PTPRD: variants seen among roughly 807,000 people sequenced by gnomAD.
The protein encoded by PTPRD is protein tyrosine phosphatase receptor type D.
In PTPRD, 34 loss-of-function variants were observed where a neutral mutation model predicts 214.5. That is an observed-to-expected ratio of 0.16 (90% CI 0.12 to 0.21). PTPRD has a LOEUF of 0.21. Ranked by LOEUF, PTPRD falls within the 10% of genes least tolerant of loss-of-function variation. The pLI is 1.00. For synonymous variants in PTPRD, 1,128 were observed against 845.7 expected, an observed-to-expected ratio of 1.33 and a Z score of -5.79; for missense variants, 2,545 against 2,398.7, an observed-to-expected ratio of 1.06 and a Z score of -1.27.
chr9:9,311,602 T>C (rs184982780), intron 9 of PTPRD, among the ~76,000 whole-genome samples: 12 of 152,298 alleles, frequency 7.9e-5, no homozygotes, highest in Non-Finnish European at 1.5e-4. Flanking sequence ...TTTAGAAGGA[T>C]GCTTTCTTGC....
chr9:10,398,362 C>T (rs1023158471), intron 2 of PTPRD, among the ~76,000 whole-genome samples: 6 of 151,836 alleles, frequency 4.0e-5, no homozygotes, highest in African/African-American at 1.4e-4. Context: ...GCCTGGACTA[C>T]AGATATGTCT....
At chr9:8,939,453 A>G (rs143094283) in intron 11 of PTPRD, among the ~76,000 whole-genome samples, 2 of 152,192 alleles carry the variant, frequency 1.3e-5, no homozygotes, top group African/African-American at 2.4e-5. Flanking sequence ...CTGTGACTCT[A>G]TAATTTATTA....
At chr9:10,062,677 G>A (rs75657228) in intron 3 of PTPRD, among the ~76,000 whole-genome samples, 2,624 of 151,298 alleles carry the variant, frequency 0.017, 70 homozygotes, top group African/African-American at 0.06. Context: ...ATAGCACTTA[G>A]GGAGAGGTAC....
chr9:9,454,763 C>T (rs1039971626), intron 8 of PTPRD, among the ~76,000 whole-genome samples: 3 of 151,118 alleles, frequency 2.0e-5, no homozygotes, highest in East Asian at 1.9e-4. Flanking sequence ...CATTTAGCAC[C>T]GACTATGTGT....
At chr9:10,201,948 G>C (rs2099427976) in intron 3 of PTPRD, among the ~76,000 whole-genome samples, 1 of 151,738 alleles carries the variant, frequency 6.6e-6, no homozygotes, top group African/African-American at 2.4e-5. Flanking sequence ...TTTCTACACA[G>C]ATCAGGCCAC....
At chr9:9,059,375 G>C (rs1173264038) in intron 10 of PTPRD, among the ~76,000 whole-genome samples, 1 of 152,098 alleles carries the variant, frequency 6.6e-6, no homozygotes, top group African/African-American at 2.4e-5. Context: ...GCCAGTGAAG[G>C]GTATTACAAG....
At chr9:8,628,449 T>A (rs1320451209) in intron 14 of PTPRD, among the ~76,000 whole-genome samples, 1 of 151,820 alleles carries the variant, frequency 6.6e-6, no homozygotes. Context: ...CTGCTCACTG[T>A]GTGTTTTACT....
intron 7 of PTPRD, among the ~76,000 whole-genome samples, chr9:9,650,857 TA>T (rs1453737187): frequency 6.6e-6 from 1 of 152,090 alleles, no homozygotes; most frequent in Non-Finnish European, 1.5e-5. Flanking sequence ...AGACTAAATT[TA>T]TGGAATATAT....
At chr9:10,054,173 A>G (rs1409105848) in intron 3 of PTPRD, among the ~76,000 whole-genome samples, 2 of 152,168 alleles carry the variant, frequency 1.3e-5, no homozygotes, top group East Asian at 1.9e-4. Context: ...AAAATCCCCA[A>G]TGGCCAATGA....
At chr9:9,422,638 C>A in intron 8 of PTPRD, among the ~76,000 whole-genome samples, 1 of 152,068 alleles carries the variant, frequency 6.6e-6, no homozygotes, top group Non-Finnish European at 1.5e-5. Flanking sequence ...GTCAGATAGA[C>A]GCTGCCACCA....
intron 2 of PTPRD, among the ~76,000 whole-genome samples, chr9:10,610,585 C>G (rs181834569): frequency 1.3e-5 from 2 of 151,954 alleles, no homozygotes; most frequent in Admixed American, 6.5e-5. Context: ...GTGCTATAAT[C>G]CAAATCTGAT....
At chr9:9,227,258 C>T (rs1396076133) in intron 9 of PTPRD, among the ~76,000 whole-genome samples, 1 of 152,016 alleles carries the variant, frequency 6.6e-6, no homozygotes, top group Non-Finnish European at 1.5e-5. Flanking sequence ...TCATACACAT[C>T]ACAACCCTTC....
chr9:8,400,908 G>A (rs907159202), intron 36 of PTPRD, among the ~76,000 whole-genome samples: 1 of 152,132 alleles, frequency 6.6e-6, no homozygotes, highest in African/African-American at 2.4e-5. Flanking sequence ...AGAAATGAAA[G>A]AGATTACCAC....
At chr9:9,097,680 G>C (rs114200432) in intron 10 of PTPRD, among the ~76,000 whole-genome samples, 139 of 152,164 alleles carry the variant, frequency 9.1e-4, no homozygotes, top group African/African-American at 2.7e-3. Flanking sequence ...AAAGTGCTAG[G>C]ATACCATGGC....
At chr9:9,239,198 G>C (rs76965770) in intron 9 of PTPRD, among the ~76,000 whole-genome samples, 15 of 137,134 alleles carry the variant, frequency 1.1e-4, no homozygotes, top group Admixed American at 3.7e-4. Flanking sequence ...ATGACTGTCT[G>C]AAAAAAAAAA....
chr9:10,222,145 T>C (rs1360108936), intron 3 of PTPRD, among the ~76,000 whole-genome samples: 1 of 152,068 alleles, frequency 6.6e-6, no homozygotes, highest in Admixed American at 6.6e-5. Context: ...GTTTTCAGAA[T>C]TGAATAGATG....
rs184175128 is a variant in PTPRD, at chr9:9,106,426, C to T, written c.-143+76878G>A. On this transcript the variant is annotated intron_variant, in intron 10 of 45. Coordinates refer to ENST00000381196, the MANE Select transcript of PTPRD (RefSeq NM_002839.4). The stretch of plus-strand genomic sequence containing the variant: ...TCCAGCATCCATAAGAGTTATGATC[C>T]TCACTTTAAAATTATAAGCTATAGT... Among the ~76,000 whole-genome samples the T allele has an allele frequency of 4.8e-3, 728 of 151,126 alleles. 5 individuals are homozygous for T. Among genetic ancestry groups the T allele is most frequent in the African/African-American group, 0.017 (695 of 41,268 alleles).
intron 10 of PTPRD, among the ~76,000 whole-genome samples, chr9:9,168,515 T>C (rs2099908374): frequency 1.3e-5 from 2 of 152,174 alleles, no homozygotes; most frequent in Non-Finnish European, 2.9e-5. Context: ...TGGTGTTATA[T>C]ACATTTTGCA....
intron 5 of PTPRD, among the ~76,000 whole-genome samples, chr9:9,777,244 G>T (rs1446648231): frequency 6.6e-6 from 1 of 151,832 alleles, no homozygotes; most frequent in Non-Finnish European, 1.5e-5. Flanking sequence ...ACTTATTTTG[G>T]AGGAGAAAAA....
Sources: gnomAD v4.1 joint callset for allele counts (sites outside exome capture counted in the v4.1 genomes callset) on GRCh38, gnomAD v4.1.1 for gene constraint, MANE v1.5 for transcripts, NCBI Gene and HGNC (gene_info 2026-07-23, HGNC 2026-07-21) for gene names.